Variants in GAB2 observed in about 807,000 individuals in gnomAD.
The protein encoded by GAB2 is GRB2 associated binding protein 2.
Under a neutral mutation model 65.5 loss-of-function variants are expected in GAB2, and 26 were observed. The ratio of observed to expected loss-of-function variants is 0.40; its 90% CI spans 0.29 to 0.55. The LOEUF (loss-of-function observed/expected upper bound fraction) is 0.55. GAB2 is among the 20% of genes least tolerant of loss of function. The pLI is 0.53. For missense variants in GAB2, 884 were observed against 875.8 expected, an observed-to-expected ratio of 1.01 and a Z score of -0.12; for synonymous variants, 321 against 329.6, an observed-to-expected ratio of 0.97 and a Z score of 0.28.
chr11:78,319,477 G>A (rs1451993500), intron 1 of GAB2, among the ~76,000 whole-genome samples: 1 of 152,194 alleles, frequency 6.6e-6, no homozygotes, highest in Non-Finnish European at 1.5e-5. Context: ...GAAAAAAGTG[G>A]TAGAGTTTCT....
Position 78,218,957 on chromosome 11 carries a change from T to C in GAB2, c.*315A>G. 3.8e-6 allele frequency: 1 copy of C among 263,550 alleles called. No individual in the cohort carries two copies. Among genetic ancestry groups the C allele is most frequent in the Non-Finnish European group, 7.2e-6 (1 of 138,480 alleles). 16.3% of individuals were successfully genotyped at this position (263,550 alleles called of 1,614,324 possible). A position where few individuals can be genotyped will look rare whatever the true frequency, so the allele number is the denominator to read the frequency against. Reference sequence around the variant, plus strand: ...CCAGCCCTTCCCTCCAAACATCTGGTAGAGAGTCAGGTCTAAAGGACAGGA... The same window carrying C: ...CCAGCCCTTCCCTCCAAACATCTGGCAGAGAGTCAGGTCTAAAGGACAGGA... On this transcript the variant is annotated 3_prime_UTR_variant, in exon 10 of 10. Transcript: ENST00000361507.
At chr11:78,252,644 C>T (rs1030449688) in intron 2 of GAB2, among the ~76,000 whole-genome samples, 5 of 152,122 alleles carry the variant, frequency 3.3e-5, no homozygotes, top group East Asian at 1.9e-4. Flanking sequence ...GACTCTCCAG[C>T]GGGTAATCCT....
chr11:78,398,075 A>C (rs1179599872), intron 1 of GAB2, among the ~76,000 whole-genome samples: 2 of 147,648 alleles, frequency 1.4e-5, no homozygotes, highest in African/African-American at 5.4e-5. Flanking sequence ...TTCCTCTAGG[A>C]AATTATATGA....
chr11:78,360,995 C>T (rs757451129), intron 1 of GAB2, among the ~76,000 whole-genome samples: 8 of 152,142 alleles, frequency 5.3e-5, no homozygotes, highest in Non-Finnish European at 1.2e-4. Context: ...AAACACACCT[C>T]ATTAATCAAA....
At chr11:78,257,458 CT>C (rs1865623807) in intron 2 of GAB2, among the ~76,000 whole-genome samples, 1 of 152,124 alleles carries the variant, frequency 6.6e-6, no homozygotes, top group East Asian at 1.9e-4. Flanking sequence ...GTTAATAAGC[CT>C]TTTTAATTCT....
intron 1 of GAB2, among the ~76,000 whole-genome samples, chr11:78,387,066 G>A (rs1343153331): frequency 6.6e-6 from 1 of 152,072 alleles, no homozygotes; most frequent in African/African-American, 2.4e-5. Flanking sequence ...GAATGAGGTG[G>A]GGACTCACTT....
At chr11:78,243,054 C>T (rs537990469) in intron 3 of GAB2, among the ~76,000 whole-genome samples, 13 of 151,698 alleles carry the variant, frequency 8.6e-5, no homozygotes, top group East Asian at 5.8e-4. Context: ...CCCAGCTACT[C>T]GGGTGGCTAA....
chr11:78,227,295 T>TA (rs1191107497), intron 3 of GAB2, among the ~76,000 whole-genome samples: 1 of 152,208 alleles, frequency 6.6e-6, no homozygotes, highest in Non-Finnish European at 1.5e-5. Context: ...CCTGAACAAG[T>TA]ATCAATAAGC....
chr11:78,271,787 G>C (rs902962699), intron 2 of GAB2, among the ~76,000 whole-genome samples: 3 of 152,204 alleles, frequency 2.0e-5, no homozygotes, highest in Non-Finnish European at 4.4e-5. Context: ...GAGCCCAGGA[G>C]TTTAAGACAA....
At position 78,261,238 on chromosome 11, in the gene GAB2, T is replaced by G. The variant is rs113263491; in HGVS notation, c.377-10838A>C. 3.8e-3 allele frequency among the ~76,000 whole-genome samples: 577 copies of G among 152,184 alleles called. 3 individuals carry two copies. The highest frequency in any genetic ancestry group is 5.9e-3 in the Non-Finnish European group (404 of 67,994). On this transcript the variant is annotated intron_variant, in intron 2 of 9. Coordinates refer to ENST00000361507, the MANE Select transcript of GAB2 (RefSeq NM_080491.3). The stretch of plus-strand genomic sequence containing the variant: ...AGGAGGTCGAGGTTGCAGTAAGCTG[T>G]GACCACACCACTGCACTCCGGCCTG...
chr11:78,249,080 A>G (rs12296037), intron 3 of GAB2, among the ~76,000 whole-genome samples: 2,966 of 152,330 alleles, frequency 0.019, 108 homozygotes, highest in African/African-American at 0.069. Context: ...GTGTGACAGC[A>G]GATGACTCAG....
In GAB2 at chr11:78,239,295, A is replaced by G. The variant is rs201545887; in HGVS notation, c.620+10862T>C. 1.8e-4 allele frequency among the ~76,000 whole-genome samples: 28 copies of G among 152,242 alleles called. No homozygotes were observed. In the East Asian group the frequency reaches 5.2e-3, roughly 28 times the overall value. ...GAGTACAATGGCGTGATCTAAGTTC[A>G]CTGCAACCTCCACCTCCTGGGTTCA... On this transcript the variant is annotated intron_variant, in intron 3 of 9. Transcript: ENST00000361507.
At chr11:78,317,663 T>C (rs1041683512) in intron 1 of GAB2, among the ~76,000 whole-genome samples, 1 of 151,624 alleles carries the variant, frequency 6.6e-6, no homozygotes, top group Admixed American at 6.6e-5. Context: ...AAGTAACATA[T>C]ATTAAGCATT....
rs1864671514 is a variant in GAB2 at position 78,226,720 on chromosome 11, C to T, written c.952G>A (p.Ala318Thr). Reference sequence around the variant, plus strand: ...ATCTGGTAGGCTGAGAGTGGGGTGGCCGGAACATCCATATTGTCTACCAGG... The same window carrying T: ...ATCTGGTAGGCTGAGAGTGGGGTGGTCGGAACATCCATATTGTCTACCAGG... ...DLLVDNMDVP[A>T]TPLSAYQIPR... The change falls in exon 4 of 10, where the codon GCC (alanine) becomes ACC (threonine). Residue 318 changes from alanine to threonine, a missense_variant. Transcript: ENST00000361507. The T allele has an allele frequency of 6.2e-7, 1 of 1,613,848 alleles. No homozygotes were observed. Among genetic ancestry groups the T allele is most frequent in the Non-Finnish European group, 8.5e-7 (1 of 1,179,866 alleles).
chr11:78,313,450 C>G (rs1481761819), intron 1 of GAB2, among the ~76,000 whole-genome samples: 1 of 152,118 alleles, frequency 6.6e-6, no homozygotes, highest in Non-Finnish European at 1.5e-5. Flanking sequence ...GCTTGATGCT[C>G]CCAAATCCTG....
At chr11:78,364,836 C>T (rs763995525) in intron 1 of GAB2, among the ~76,000 whole-genome samples, 2 of 152,058 alleles carry the variant, frequency 1.3e-5, no homozygotes, top group Non-Finnish European at 2.9e-5. Flanking sequence ...TCAGTAGATA[C>T]AGAGTGAGAT....
At chr11:78,266,740 G>A (rs1312821571) in intron 2 of GAB2, among the ~76,000 whole-genome samples, 1 of 152,174 alleles carries the variant, frequency 6.6e-6, no homozygotes, top group African/African-American at 2.4e-5. Context: ...ACTAAGAGGA[G>A]TTCCAAGGCT....
At chr11:78,328,774 TG>T (rs1855867344) in intron 1 of GAB2, among the ~76,000 whole-genome samples, 1 of 14,594 alleles carries the variant, frequency 6.9e-5, no homozygotes, top group Admixed American at 8.2e-4. Context: ...TTCTGGAGGG[TG>T]GGGGTGGGGT....
At chr11:78,363,305 A>G (rs1389381947) in intron 1 of GAB2, among the ~76,000 whole-genome samples, 3 of 152,214 alleles carry the variant, frequency 2.0e-5, no homozygotes, top group Admixed American at 2.0e-4. Flanking sequence ...TTATGCTTCA[A>G]TTAATCTCTA....
Sources: allele counts gnomAD v4.1 joint callset (sites outside exome capture counted in the v4.1 genomes callset), GRCh38; gene constraint gnomAD v4.1.1; transcripts MANE v1.5; gene names NCBI Gene and HGNC (gene_info 2026-07-23, HGNC 2026-07-21).